The following ZBTB11 variants were observed in gnomAD, a reference collection of about 807,000 sequenced individuals.
ZBTB11 encodes zinc finger and BTB domain containing 11.
Under a neutral mutation model 113.1 loss-of-function variants are expected in ZBTB11, and 68 were observed. The observed-to-expected ratio is 0.60, with a 90% CI of 0.49 to 0.74. The LOEUF is 0.74. ZBTB11 is among the 30% of genes least tolerant of loss of function. The pLI is 0.00. For missense variants in ZBTB11, 1,104 were observed against 1,279.4 expected, an observed-to-expected ratio of 0.86 and a Z score of 2.09; for synonymous variants, 518 against 452.6, an observed-to-expected ratio of 1.14 and a Z score of -1.83.
intron 6 of ZBTB11, among the ~76,000 whole-genome samples, chr3:101,658,189 TG>T (rs895006321): frequency 1.3e-5 from 2 of 152,062 alleles, no homozygotes; most frequent in African/African-American, 2.4e-5. Flanking sequence ...TGCAGCAACC[TG>T]GATGGAACCG....
At chr3:101,651,756 T>C in intron 10 of ZBTB11, 73 bp from the exon 11 acceptor site, 1 of 1,432,794 alleles carries the variant, frequency 7.0e-7, no homozygotes. Flanking sequence ...CCTACCAAAC[T>C]TCCTTTTATT....
intron 3 of ZBTB11, chr3:101,670,907 C>T: frequency 2.1e-6 from 1 of 475,442 alleles, no homozygotes; most frequent in East Asian, 3.1e-5. Flanking sequence ...TCTTTTTCTG[C>T]TATAATTGTC....
chr3:101,664,527 C>CA lies in ZBTB11; in HGVS notation c.1800+10dup. On this transcript the variant is annotated intron_variant, in intron 5 of 10. Transcript: ENST00000312938. Reference sequence around the variant, plus strand: ...TTAGAGTTACCTTCAATTAGCTTTCCAAATACTTACTGGACATTTGTAATC... The same window carrying CA: ...TTAGAGTTACCTTCAATTAGCTTTCCAAAATACTTACTGGACATTTGTAATC... 6.3e-7 allele frequency: 1 copy of CA among 1,590,884 alleles called. No homozygotes were observed. The highest frequency in any genetic ancestry group is 8.5e-7 in the Non-Finnish European group (1 of 1,172,968).
At position 101,661,690 on chromosome 3, in the gene ZBTB11, T is replaced by C. The variant is rs536444376; in HGVS notation, c.1801-1662A>G. On this transcript the variant is annotated intron_variant, in intron 5 of 10. Coordinates refer to ENST00000312938, the MANE Select transcript of ZBTB11 (RefSeq NM_014415.4). The stretch of plus-strand genomic sequence containing the variant: ...GTCCTCTGGCAACTTATTTTATTTT[T>C]GTCCACTGATTCTGAAATTTTATAA... Among the ~76,000 whole-genome samples, 10 of 152,382 alleles carry C rather than the reference T, an allele frequency of 6.6e-5. No homozygotes were observed. In the East Asian group the frequency reaches 1.3e-3, roughly 21 times the overall value.
chr3:101,664,128 T>C (rs536877573), intron 5 of ZBTB11, among the ~76,000 whole-genome samples: 3 of 152,348 alleles, frequency 2.0e-5, no homozygotes, highest in Admixed American at 6.5e-5. Flanking sequence ...GCACTACTAA[T>C]TCCTGAGACA....
chr3:101,654,351 T>G (rs1936756627), intron 8 of ZBTB11, among the ~76,000 whole-genome samples: 1 of 152,194 alleles, frequency 6.6e-6, no homozygotes, highest in Non-Finnish European at 1.5e-5. Context: ...CGATTAATTT[T>G]ACGTTATATG....
At chr3:101,671,744 G>A in intron 2 of ZBTB11, 1 of 598,472 alleles carries the variant, frequency 1.7e-6, no homozygotes, top group East Asian at 2.8e-5. Context: ...CACAAAAGAA[G>A]GGAGGGAGGA....
rs374470557 is a variant in ZBTB11 at position 101,652,620 on chromosome 3, A to G, written c.2520T>C (p.His840=). 3.7e-6 allele frequency: 6 copies of G among 1,614,056 alleles called. No individual in the cohort carries two copies. The African/African-American group carries it at 6.7e-5, about 18-fold the overall frequency. ...TCTTCCCATGGGTAGCTTTCTTTAC[A>G]TGCCTTCTGAACAAAGCTTTTTCAT... ...EFYEKALFRR[H]VKKATHGKKG... is the part of the protein sequence containing the mutation. The change falls in exon 10 of 11, where the codon CAT becomes CAC. Residue 840 remains histidine, a synonymous_variant. Coordinates refer to ENST00000312938, the MANE Select transcript of ZBTB11 (RefSeq NM_014415.4).
intron 6 of ZBTB11, among the ~76,000 whole-genome samples, 174 bp downstream of exon 6, chr3:101,659,609 A>C (rs1272792881): frequency 6.6e-6 from 1 of 152,240 alleles, no homozygotes; most frequent in Non-Finnish European, 1.5e-5. Flanking sequence ...TCAGAGAGCA[A>C]ATTAAAAAAC....
chr3:101,661,068 CA>C (rs1014479058), intron 5 of ZBTB11, among the ~76,000 whole-genome samples: 3 of 150,978 alleles, frequency 2.0e-5, no homozygotes, highest in Non-Finnish European at 4.4e-5. Context: ...CCTGTCTCTA[CA>C]AAAAAAATAG....
intron 3 of ZBTB11, 69 bp from the exon 4 acceptor site, chr3:101,665,877 A>G: frequency 1.4e-6 from 2 of 1,400,024 alleles, no homozygotes; most frequent in Non-Finnish European, 1.9e-6. Flanking sequence ...AATTATGACA[A>G]TATAAAATAT....
chr3:101,672,424 T>A (rs1313897159), intron 1 of ZBTB11, among the ~76,000 whole-genome samples: 1 of 152,258 alleles, frequency 6.6e-6, no homozygotes, highest in Admixed American at 6.5e-5. Context: ...TAATTTTTTT[T>A]ATTTATTCCC....
At chr3:101,671,470 A>C in intron 2 of ZBTB11, 109 bp from the exon 3 acceptor site, 1 of 774,070 alleles carries the variant, frequency 1.3e-6, no homozygotes, top group Non-Finnish European at 2.1e-6. Context: ...GGTATGAATA[A>C]TTTGATATTT....
Position 101,665,683 on chromosome 3 carries a change from C to CT in ZBTB11, c.903dup (p.Glu302ArgfsTer4). The CT allele has an allele frequency of 6.2e-7, 1 of 1,614,166 alleles. No individual in the cohort carries two copies. The highest frequency in any genetic ancestry group is 8.5e-7 in the Non-Finnish European group (1 of 1,180,024). ...AGCTTATGTACACTTTCACAAATCTCTAAGACTTCTGACATGAAAAGATGA... is the reference window on the plus strand; with the variant it reads ...AGCTTATGTACACTTTCACAAATCTCTTAAGACTTCTGACATGAAAAGATGA... On this transcript the variant is annotated frameshift_variant, in exon 4 of 11. Coordinates refer to ENST00000312938, the MANE Select transcript of ZBTB11 (RefSeq NM_014415.4). LOFTEE classifies it high-confidence loss of function.
At chr3:101,674,212 A>C (rs1937126090) in intron 1 of ZBTB11, among the ~76,000 whole-genome samples, 1 of 151,992 alleles carries the variant, frequency 6.6e-6, no homozygotes, top group Non-Finnish European at 1.5e-5. Context: ...GCTACTCCGG[A>C]GGCTGAGGCA....
At chr3:101,657,848 A>G (rs902225052) in intron 6 of ZBTB11, among the ~76,000 whole-genome samples, 3 of 152,022 alleles carry the variant, frequency 2.0e-5, no homozygotes, top group African/African-American at 7.3e-5. Flanking sequence ...ACTTAAAAAA[A>G]AAAAATTAGG....
At position 101,667,195 on chromosome 3, in the gene ZBTB11, G is replaced by A. The variant is rs188317090; in HGVS notation, c.779-1387C>T. 5.6e-4 allele frequency among the ~76,000 whole-genome samples: 85 copies of A among 152,222 alleles called. 2 individuals are homozygous for A. In the East Asian group the frequency reaches 0.016, roughly 29 times the overall value. On this transcript the variant is annotated intron_variant, in intron 3 of 10. Coordinates refer to ENST00000312938, the MANE Select transcript of ZBTB11 (RefSeq NM_014415.4). Reference sequence around the variant, plus strand: ...CAGCCACCTAAGTAGCAGGGCAGGCGTGCACCTGGTTATTTTTATATTTTG... The same window carrying A: ...CAGCCACCTAAGTAGCAGGGCAGGCATGCACCTGGTTATTTTTATATTTTG...
rs1381911135 is a variant in ZBTB11 at position 101,676,661 on chromosome 3, G to A, written c.254C>T (p.Thr85Ile). The A allele has an allele frequency of 1.9e-6, 3 of 1,586,464 alleles. No individual in the cohort carries two copies. Among genetic ancestry groups the A allele is most frequent in the African/African-American group, 1.3e-5 (1 of 74,318 alleles). ...IEAAHLGPGGTHHTRHQTWHY... is the reference protein window; with the variant it reads ...IEAAHLGPGGIHHTRHQTWHY... ...CCAGGTCTGATGCCGGGTGTGGTGAGTGCCGCCGGGACCCAGGTGCGCCGC... is the reference window on the plus strand; with the variant it reads ...CCAGGTCTGATGCCGGGTGTGGTGAATGCCGCCGGGACCCAGGTGCGCCGC... The change falls in exon 1 of 11, where the codon ACT becomes ATT. Residue 85 changes from threonine (T) to isoleucine (I), a missense_variant. By Grantham distance (89) the Thr-to-Ile change is moderately conservative. Coordinates refer to ENST00000312938, the MANE Select transcript of ZBTB11 (RefSeq NM_014415.4).
intron 1 of ZBTB11, among the ~76,000 whole-genome samples, chr3:101,672,906 G>A (rs950507972): frequency 1.3e-5 from 2 of 152,214 alleles, no homozygotes; most frequent in African/African-American, 4.8e-5. Context: ...ACAAAGAACA[G>A]CAATGTCCCA....
Sources: allele counts gnomAD v4.1 joint callset (sites outside exome capture counted in the v4.1 genomes callset), GRCh38; gene constraint gnomAD v4.1.1; transcripts MANE v1.5; gene names NCBI Gene and HGNC (gene_info 2026-07-23, HGNC 2026-07-21).